Variants in SLC12A2 observed in about 807,000 individuals in gnomAD.
The protein encoded by SLC12A2 is solute carrier family 12 member 2, also known as Na-K-2Cl cotransporter 1.
In SLC12A2, 67 loss-of-function variants were observed where a neutral mutation model predicts 136.3. The observed-to-expected ratio is 0.49, with a 90% confidence interval of 0.40 to 0.60. SLC12A2 has a LOEUF of 0.60. SLC12A2 is among the 20% of genes least tolerant of loss of function. The pLI, the probability that SLC12A2 is intolerant of heterozygous loss-of-function variation, is 0.00. For missense variants in SLC12A2, 1,322 were observed against 1,534.7 expected, an observed-to-expected ratio of 0.86 and a Z score of 2.32; for synonymous variants, 619 against 562.9, an observed-to-expected ratio of 1.10 and a Z score of -1.41.
At chr5:128,095,878 T>A (rs1760518632) in intron 1 of SLC12A2, among the ~76,000 whole-genome samples, 1 of 152,106 alleles carries the variant, frequency 6.6e-6, no homozygotes, top group South Asian at 2.1e-4. Context: ...CCATGTTGAG[T>A]CTTTGATTAC....
At chr5:128,126,064 G>A (rs575971978) in intron 4 of SLC12A2, among the ~76,000 whole-genome samples, 46 of 152,278 alleles carry the variant, frequency 3.0e-4, no homozygotes, top group African/African-American at 9.6e-4. Flanking sequence ...TAGCTTCACA[G>A]TAAGTCCTAA....
At chr5:128,184,333 A>C in intron 24 of SLC12A2, 33 bp from the exon 25 acceptor site, 1 of 1,330,448 alleles carries the variant, frequency 7.5e-7, no homozygotes, top group Admixed American at 2.6e-5. Flanking sequence ...TTAAAATAAG[A>C]TTAGTTGTCA....
intron 9 of SLC12A2, among the ~76,000 whole-genome samples, chr5:128,141,185 A>G (rs1461596627): frequency 6.6e-6 from 1 of 152,150 alleles, no homozygotes; most frequent in African/African-American, 2.4e-5. Flanking sequence ...AATTAGCTCA[A>G]TAATTATTAC....
intron 4 of SLC12A2, among the ~76,000 whole-genome samples, chr5:128,121,526 G>T (rs1386522269): frequency 6.6e-6 from 1 of 151,988 alleles, no homozygotes; most frequent in South Asian, 2.1e-4. Flanking sequence ...GTTTCATTGT[G>T]TGAGCCAGGA....
rs1392635277 is a variant in SLC12A2, at chr5:128,188,085, CTT to C, written c.*1456_*1457del. The C allele has an allele frequency of 1.5e-5, 2 of 137,518 alleles. No individual in the cohort carries two copies. Among genetic ancestry groups the C allele is most frequent in the Non-Finnish European group, 3.2e-5 (2 of 61,712 alleles). The allele number at this position is 137,518 out of a possible 1,614,324, so 8.5% of individuals were successfully genotyped here. On this transcript the variant is annotated 3_prime_UTR_variant, in exon 27 of 27. Transcript: ENST00000262461. ...AAGTGATCAAGATTCATTAGGCAAACTTTGGTTTAAGTAAACATATGTTCAAA... is the reference window on the plus strand; with the variant it reads ...AAGTGATCAAGATTCATTAGGCAAACTGGTTTAAGTAAACATATGTTCAAA...
chr5:128,126,966 A>ATAT lies in SLC12A2; in HGVS notation c.1049-4100_1049-4099insATT. The stretch of plus-strand genomic sequence containing the variant: ...CATATATATATATATATATATATAT[A>ATAT]TTTTTTTTTTTTTTTTTTTTTGCAT... On this transcript the variant is annotated intron_variant, in intron 4 of 26. Coordinates refer to ENST00000262461, the MANE Select transcript of SLC12A2 (RefSeq NM_001046.3). 3.8e-4 allele frequency among the ~76,000 whole-genome samples: 8 copies of ATAT among 21,160 alleles called. No homozygotes were observed. The East Asian group carries it at 4.1e-3, about 11-fold the overall frequency. The allele number at this position is 21,160 out of a possible 152,430, so 13.9% of individuals were successfully genotyped here.
intron 7 of SLC12A2, among the ~76,000 whole-genome samples, chr5:128,136,807 A>G (rs886736905): frequency 2.6e-5 from 4 of 152,094 alleles, no homozygotes; most frequent in Non-Finnish European, 4.4e-5. Context: ...GTGTATTCTC[A>G]TGGCTCAAAA....
rs188245472 is a variant in SLC12A2, at chr5:128,118,363, A to G, written c.1048+3682A>G. On this transcript the variant is annotated intron_variant, in intron 4 of 26. Transcript: ENST00000262461. The stretch of plus-strand genomic sequence containing the variant: ...TGAGTGGATAAAGAAAATGTGGTAT[A>G]TATACACCATGGAATACTATTCAGC... Among the ~76,000 whole-genome samples the G allele has an allele frequency of 2.6e-5, 4 of 152,362 alleles. No homozygotes were observed. In the East Asian group the frequency reaches 7.7e-4, roughly 29 times the overall value.
chr5:128,142,558 T>G (rs13356473), intron 10 of SLC12A2, among the ~76,000 whole-genome samples: 52,487 of 151,954 alleles, frequency 0.35, 11,664 homozygotes, highest in African/African-American at 0.63. Context: ...GTGTGTGTGT[T>G]TTTATATATG....
Position 128,084,020 on chromosome 5 carries a change from G to A in SLC12A2, c.66G>A (p.Pro22=). Residue 22 remains proline (P), a synonymous_variant, in exon 1 of 27, where the codon CCG becomes CCA. Coordinates refer to ENST00000262461, the MANE Select transcript of SLC12A2 (RefSeq NM_001046.3). The surrounding 1 kb of genome is among the most constrained non-coding windows in gnomAD (Gnocchi z 5.6). ...GACTGGCCGGGGTCGGGGAGACGCCGTCAGCCGCTGCGCTGGCCGCAGCCA... is the reference window on the plus strand; with the variant it reads ...GACTGGCCGGGGTCGGGGAGACGCCATCAGCCGCTGCGCTGGCCGCAGCCA... The part of the protein sequence containing the change: ...APGLAGVGET[P]SAAALAAARV... 2 of 1,256,762 alleles carry A rather than the reference G, an allele frequency of 1.6e-6. No individual in the cohort carries two copies. The highest frequency in any genetic ancestry group is 3.2e-5 in the East Asian group (1 of 31,128). 77.9% of individuals were successfully genotyped at this position (1,256,762 alleles called of 1,614,324 possible).
At chr5:128,130,915 A>G (rs1303758459) in intron 4 of SLC12A2, 152 bp from the exon 5 acceptor site, 2 of 635,098 alleles carry the variant, frequency 3.1e-6, no homozygotes, top group African/African-American at 3.7e-5. Context: ...CTTTTTAGGT[A>G]TTTCTGAAAA....
At chr5:128,103,242 T>C (rs1046164639) in intron 1 of SLC12A2, among the ~76,000 whole-genome samples, 2 of 152,248 alleles carry the variant, frequency 1.3e-5, no homozygotes, top group Non-Finnish European at 2.9e-5. Context: ...TGTACAATTA[T>C]TGTATTTTCT....
chr5:128,188,961 AC>A lies in SLC12A2; in HGVS notation c.*2331del, dbSNP rs1763958588. The A allele has an allele frequency of 6.6e-6, 1 of 151,648 alleles. No homozygotes were observed. Among genetic ancestry groups the A allele is most frequent in the Admixed American group, 6.6e-5 (1 of 15,188 alleles). 9.4% of individuals were successfully genotyped at this position (151,648 alleles called of 1,614,324 possible). A position where few individuals can be genotyped will look rare whatever the true frequency, so the allele number is the denominator to read the frequency against. On this transcript the variant is annotated 3_prime_UTR_variant, in exon 27 of 27. Coordinates refer to ENST00000262461, the MANE Select transcript of SLC12A2 (RefSeq NM_001046.3). ...TTTTAAGTTTTTCCCATTCAGGAAA[AC>A]AACATTGTGATCTGTACTACAGGAA...
At chr5:128,103,673 G>C (rs1581061470) in intron 1 of SLC12A2, among the ~76,000 whole-genome samples, 1 of 151,792 alleles carries the variant, frequency 6.6e-6, no homozygotes, top group Non-Finnish European at 1.5e-5. Context: ...GAAGAAGAAG[G>C]CTGCATTTAA....
At chr5:128,174,753 AAAT>A in intron 20 of SLC12A2, 87 bp downstream of exon 20, 1 of 1,087,644 alleles carries the variant, frequency 9.2e-7, no homozygotes, top group Non-Finnish European at 1.3e-6. Context: ...TGTCTTATAA[AAAT>A]AACCTGTTCT....
chr5:128,115,996 G>A (rs1481478894), intron 4 of SLC12A2, among the ~76,000 whole-genome samples: 1 of 152,166 alleles, frequency 6.6e-6, no homozygotes, highest in African/African-American at 2.4e-5. Context: ...GCTATATTGG[G>A]ATATACAGTG....
chr5:128,178,805 A>G lies in SLC12A2; in HGVS notation c.3100+116A>G, dbSNP rs1371377876. Reference sequence around the variant, plus strand: ...CATTCAAATTTTGCCAGCATTCCCAAAAGCAAAAGGATTAATTTCAGAATC... The same window carrying G: ...CATTCAAATTTTGCCAGCATTCCCAGAAGCAAAAGGATTAATTTCAGAATC... On this transcript the variant is annotated intron_variant, in intron 22 of 26. Coordinates refer to ENST00000262461, the MANE Select transcript of SLC12A2 (RefSeq NM_001046.3). The G allele has an allele frequency of 4.6e-6, 3 of 647,596 alleles. No homozygotes were observed. In the African/African-American group the frequency reaches 5.7e-5, roughly 12 times the overall value. 40.1% of individuals were successfully genotyped at this position (647,596 alleles called of 1,614,324 possible). A position where few individuals can be genotyped will look rare whatever the true frequency, so the allele number is the denominator to read the frequency against.
At position 128,084,936 on chromosome 5, in the gene SLC12A2, T is replaced by G. The variant is rs1407817229; in HGVS notation, c.756+226T>G. 1.3e-5 allele frequency among the ~76,000 whole-genome samples: 2 copies of G among 150,398 alleles called. No homozygotes were observed. The highest frequency in any genetic ancestry group is 4.9e-5 in the African/African-American group (2 of 40,672). On this transcript the variant is annotated intron_variant, in intron 1 of 26. Coordinates refer to ENST00000262461, the MANE Select transcript of SLC12A2 (RefSeq NM_001046.3). This position sits in a 1 kb window ranked among gnomAD's most constrained non-coding sequence, Gnocchi z 5.6. ...AGTTACGTGATACCGGAGGGCTGCC[T>G]CTAACAACCTTCCCCATCCAGTTAG...
chr5:128,180,772 G>T, intron 22 of SLC12A2, 111 bp from the exon 23 acceptor site: 2 of 677,248 alleles, frequency 3.0e-6, no homozygotes, highest in Non-Finnish European at 5.3e-6. Context: ...AGGACAGAAA[G>T]ATTTTTGTTT....
Sources: allele counts gnomAD v4.1 joint callset (sites outside exome capture counted in the v4.1 genomes callset), GRCh38; gene constraint gnomAD v4.1.1; non-coding constraint Gnocchi (gnomAD v3.1); transcripts MANE v1.5; gene names NCBI Gene and HGNC (gene_info 2026-07-23, HGNC 2026-07-21).